LRIG2: variants seen among roughly 807,000 people sequenced by gnomAD.
LRIG2 encodes leucine-rich repeats and immunoglobulin-like domains protein 2.
In LRIG2, 93 loss-of-function variants were observed where a neutral mutation model predicts 107.8. The observed-to-expected ratio is 0.86, with a 90% CI of 0.73 to 1.03. LRIG2 has a LOEUF of 1.03. Among genes scored for constraint, LRIG2 ranks in the 50% least tolerant of loss-of-function variants. The pLI is 0.00. For synonymous variants in LRIG2, 471 were observed against 470.6 expected (o/e 1.00, Z -0.01); for missense variants, 1,226 against 1,296.0 (o/e 0.95, Z 0.83).
chr1:113,076,566 G>C (rs1052481873), intron 1 of LRIG2, among the ~76,000 whole-genome samples: 3 of 152,168 alleles, frequency 2.0e-5, no homozygotes, highest in African/African-American at 7.2e-5. Context: ...AATATTAAAA[G>C]ATAGTACCGT....
intron 12 of LRIG2, among the ~76,000 whole-genome samples, chr1:113,108,099 T>A (rs1654613895): frequency 6.6e-6 from 1 of 152,222 alleles, no homozygotes; most frequent in Non-Finnish European, 1.5e-5. Flanking sequence ...ATACTGATTC[T>A]GTGTGTTTCA....
At chr1:113,103,637 G>A (rs1309226757) in intron 11 of LRIG2, 1 of 154,458 alleles carries the variant, frequency 6.5e-6, no homozygotes, top group African/African-American at 2.4e-5. Context: ...GATAGGATCA[G>A]ATTCATCATT....
rs1289535256 is a variant in LRIG2, at chr1:113,125,304, T to TA, written c.*1204dup. 1 of 152,270 alleles carries TA rather than the reference T, an allele frequency of 6.6e-6. No homozygotes were observed. Among genetic ancestry groups the TA allele is most frequent in the Non-Finnish European group, 1.5e-5 (1 of 68,060 alleles). 9.4% of individuals were successfully genotyped at this position (152,270 alleles called of 1,614,324 possible). A position where few individuals can be genotyped will look rare whatever the true frequency, so the allele number is the denominator to read the frequency against. The stretch of plus-strand genomic sequence containing the variant: ...CGCCTTCTTCATGCCTAGAGGTTCA[T>TA]ACTTCTGGTCATTTGCCATCTGTTT... On this transcript the variant is annotated 3_prime_UTR_variant, in exon 18 of 18. Transcript: ENST00000361127.
At chr1:113,099,236 G>GTTTTTTTT (rs567535044) in intron 9 of LRIG2, among the ~76,000 whole-genome samples, 3 of 16,192 alleles carry the variant, frequency 1.9e-4, no homozygotes, top group Non-Finnish European at 4.5e-4. Flanking sequence ...AACTTGGCTG[G>GTTTTTTTT]TTTTTTTCTT....
At chr1:113,100,551 G>C (rs774543541) in intron 11 of LRIG2, 63 bp downstream of exon 11, 126 of 989,432 alleles carry the variant, frequency 1.3e-4, no homozygotes, top group Admixed American at 2.1e-4. Context: ...TGTGCTTAAA[G>C]TGTGATGGGA....
chr1:113,077,177 C>T (rs985912962), intron 1 of LRIG2, among the ~76,000 whole-genome samples: 1 of 150,516 alleles, frequency 6.6e-6, no homozygotes, highest in African/African-American at 2.4e-5. Context: ...TGGAGTTTCT[C>T]ACTTTCGCCC....
At position 113,073,515 on chromosome 1, in the gene LRIG2, G is replaced by A. The variant is rs1357628720; in HGVS notation, c.109G>A (p.Ala37Thr). The A allele has an allele frequency of 3.7e-6, 6 of 1,613,934 alleles. No individual in the cohort carries two copies. The highest frequency in any genetic ancestry group is 5.1e-6 in the Non-Finnish European group (6 of 1,179,954). ...CCAGACCGCTCTCCTCCTGTTGCCCGCCGCCGGAGCAGGTCTCTGCCCCGC... is the reference window on the plus strand; with the variant it reads ...CCAGACCGCTCTCCTCCTGTTGCCCACCGCCGGAGCAGGTCTCTGCCCCGC... ...IAQTALLLLP[A>T]AGAGLCPAPC... Residue 37 changes from alanine to threonine, a missense_variant, in exon 1 of 18, where the codon GCC becomes ACC. Coordinates refer to ENST00000361127, the MANE Select transcript of LRIG2 (RefSeq NM_014813.3).
At chr1:113,100,540 T>C (rs1391716152) in intron 11 of LRIG2, 52 bp downstream of exon 11, 1 of 1,113,182 alleles carries the variant, frequency 9.0e-7, no homozygotes, top group East Asian at 2.5e-5. Flanking sequence ...TTCCTGCTTG[T>C]TGTGCTTAAA....
Position 113,125,692 on chromosome 1 carries a change from T to G in LRIG2, c.*1591T>G, listed in dbSNP as rs1239640658. ...AGAACCATCTCTTTCATTCTGTGAC[T>G]TTGCTCTTGCCATGTTCTGACTGGG... On this transcript the variant is annotated 3_prime_UTR_variant, in exon 18 of 18. Transcript: ENST00000361127. The G allele has an allele frequency of 1.3e-5, 2 of 152,272 alleles. No individual in the cohort carries two copies. Among genetic ancestry groups the G allele is most frequent in the Non-Finnish European group, 2.9e-5 (2 of 68,062 alleles). The allele number at this position is 152,272 out of a possible 1,614,324, so 9.4% of individuals were successfully genotyped here. A position where few individuals can be genotyped will look rare whatever the true frequency, so the allele number is the denominator to read the frequency against.
chr1:113,076,157 C>G (rs1652975077), intron 1 of LRIG2, among the ~76,000 whole-genome samples: 1 of 151,746 alleles, frequency 6.6e-6, no homozygotes, highest in African/African-American at 2.4e-5. Flanking sequence ...AGACTTGAGC[C>G]AGTATGCCCA....
intron 1 of LRIG2, among the ~76,000 whole-genome samples, chr1:113,074,915 G>C (rs1234243161): frequency 6.9e-6 from 1 of 144,070 alleles, no homozygotes; most frequent in African/African-American, 2.6e-5. Context: ...CTGGGGGGAG[G>C]GAGGGTCGGG....
At position 113,107,685 on chromosome 1, in the gene LRIG2, G is replaced by A. The variant is rs61731624; in HGVS notation, c.1405G>A (p.Val469Ile). ...VDNNFQHSVN[V>I]SCAHPEWLAG... Reference sequence around the variant, plus strand: ...TAATAACTTTCAACATTCTGTGAATGTAAGCTGTGCACACCCTGAATGGCT... The same window carrying A: ...TAATAACTTTCAACATTCTGTGAATATAAGCTGTGCACACCCTGAATGGCT... Residue 469 changes from valine to isoleucine, a missense_variant, in exon 12 of 18, where the codon GTA (valine) becomes ATA (isoleucine). Physicochemically the swap from Val to Ile is conservative, Grantham distance 29. Coordinates refer to ENST00000361127, the MANE Select transcript of LRIG2 (RefSeq NM_014813.3). The A allele has an allele frequency of 3.3e-3, 5,402 of 1,613,898 alleles. 153 individuals are homozygous for A. In the African/African-American group the frequency reaches 0.062, roughly 19 times the overall value.
chr1:113,100,257 A>C lies in LRIG2; in HGVS notation c.1219A>C (p.Ile407Leu). The C allele has an allele frequency of 6.3e-7, 1 of 1,590,068 alleles. No individual in the cohort carries two copies. Among genetic ancestry groups the C allele is most frequent in the South Asian group, 1.1e-5 (1 of 88,356 alleles). ...QIKSITKKAFIGLESLEHLDL... is the reference protein window; with the variant it reads ...QIKSITKKAFLGLESLEHLDL... ...TAAGTCAATTACAAAGAAAGCATTC[A>C]TTGGTCTTGAATCCCTTGAGCATCT... The change falls in exon 10 of 18, where the codon ATT becomes CTT. Residue 407 changes from isoleucine to leucine, a missense_variant. Physicochemically the swap from Ile to Leu is conservative, Grantham distance 5. Around this residue, in one of 3 missense-constraint regions of LRIG2, gnomAD observed 570 missense variants for 550.2 expected, o/e 1.04. Coordinates refer to ENST00000361127, the MANE Select transcript of LRIG2 (RefSeq NM_014813.3).
intron 9 of LRIG2, among the ~76,000 whole-genome samples, chr1:113,098,993 C>T (rs1239679646): frequency 2.0e-5 from 3 of 151,970 alleles, no homozygotes; most frequent in Non-Finnish European, 4.4e-5. Context: ...TGCAGTGGCA[C>T]GATCTCGGCT....
chr1:113,096,013 G>A lies in LRIG2; in HGVS notation c.943G>A (p.Glu315Lys), dbSNP rs149797505. ...ATGGGAGTTCTGCCAAAGACTATCC[G>A]AACTGTAAGTGTTGGATAGCATTTC... ...DAWEFCQRLSELDLSYNQLTR... is the reference protein window; with the variant it reads ...DAWEFCQRLSKLDLSYNQLTR... The change falls in exon 7 of 18, where the codon GAA becomes AAA. Residue 315 changes from glutamate (E) to lysine (K), a missense_variant. Transcript: ENST00000361127. The A allele has an allele frequency of 1.8e-4, 291 of 1,614,132 alleles. 4 individuals carry two copies. The African/African-American group carries it at 3.1e-3, about 17-fold the overall frequency.
At chr1:113,107,950 G>C in intron 12 of LRIG2, 193 bp downstream of exon 12, 1 of 541,430 alleles carries the variant, frequency 1.8e-6, no homozygotes, top group East Asian at 3.4e-5. Flanking sequence ...CCTTAGGTTA[G>C]GTATTTGGTA....
At chr1:113,117,382 T>A (rs1655065337) in intron 16 of LRIG2, among the ~76,000 whole-genome samples, 1 of 152,232 alleles carries the variant, frequency 6.6e-6, no homozygotes, top group Non-Finnish European at 1.5e-5. Flanking sequence ...AATGGAAGAT[T>A]TATTCCATTT....
rs754164815 is a variant in LRIG2, at chr1:113,123,971, A to C, written c.3068A>C (p.His1023Pro). ...QQPVHESPQL[H>P]QNEGLAGREP... is the part of the protein sequence containing the mutation. ...CCAGTCCATGAGTCACCACAACTTCATCAAAATGAGGGCCTGGCAGGGAGA... is the reference window on the plus strand; with the variant it reads ...CCAGTCCATGAGTCACCACAACTTCCTCAAAATGAGGGCCTGGCAGGGAGA... Residue 1023 changes from histidine to proline, a missense_variant, in exon 18 of 18, where the codon CAT (histidine) becomes CCT (proline). By Grantham distance (77) the His-to-Pro change is moderately conservative. Around this residue, in one of 3 missense-constraint regions of LRIG2, gnomAD observed 642 missense variants for 712.2 expected, o/e 0.90. Transcript: ENST00000361127. 10 of 1,614,092 alleles carry C rather than the reference A, an allele frequency of 6.2e-6. No individual in the cohort carries two copies. The South Asian group carries it at 7.7e-5, about 12-fold the overall frequency.
chr1:113,131,577 A>G lies in LRIG2; in HGVS notation c.*7476A>G, dbSNP rs1177155462. On this transcript the variant is annotated 3_prime_UTR_variant, in exon 18 of 18. Transcript: ENST00000361127. ...TATTACGTGATCTCTTTGCCCATAC[A>G]GTTGGCAGATGTTTTTTCCCCCTTT... 1 of 152,144 alleles carries G rather than the reference A, an allele frequency of 6.6e-6. No homozygotes were observed. 9.4% of individuals were successfully genotyped at this position (152,144 alleles called of 1,614,324 possible).
Sources: allele counts gnomAD v4.1 joint callset (sites outside exome capture counted in the v4.1 genomes callset), GRCh38; gene constraint gnomAD v4.1.1; regional missense constraint gnomAD v4.1.1; transcripts MANE v1.5; gene names NCBI Gene and HGNC (gene_info 2026-07-23, HGNC 2026-07-21).